Variants in SESN3 observed in about 807,000 individuals in gnomAD.
SESN3 encodes sestrin-3.
In SESN3, 21 loss-of-function variants were observed where a neutral mutation model predicts 55.3. The ratio of observed to expected loss-of-function variants is 0.38; its 90% CI spans 0.27 to 0.55. SESN3 has a LOEUF of 0.55. Among genes scored for constraint, SESN3 ranks in the 20% least tolerant of loss-of-function variants. The pLI, the probability that SESN3 is intolerant of heterozygous loss-of-function variation, is 0.76. For missense variants in SESN3, 408 were observed against 604.3 expected (o/e 0.68, Z 3.41); for synonymous variants, 181 against 203.1 (o/e 0.89, Z 0.93).
At chr11:95,186,836 G>T (rs1056106355) in intron 4 of SESN3, among the ~76,000 whole-genome samples, 3 of 151,584 alleles carry the variant, frequency 2.0e-5, no homozygotes, top group Non-Finnish European at 4.4e-5. Flanking sequence ...AATAATAAAA[G>T]AATATACACC....
intron 1 of SESN3, among the ~76,000 whole-genome samples, chr11:95,200,388 TTAAAA>T (rs1421754836): frequency 6.6e-5 from 10 of 152,040 alleles, no homozygotes; most frequent in Non-Finnish European, 1.5e-4. Flanking sequence ...CTATACCATA[TTAAAA>T]TATGTATTGA....
chr11:95,200,050 C>T (rs188960989), intron 1 of SESN3, among the ~76,000 whole-genome samples: 8 of 151,956 alleles, frequency 5.3e-5, no homozygotes, highest in Admixed American at 3.9e-4. Context: ...TTTTTAGGTA[C>T]GAATGTAAGA....
intron 1 of SESN3, among the ~76,000 whole-genome samples, chr11:95,221,310 G>A (rs1042849162): frequency 6.6e-6 from 1 of 151,748 alleles, no homozygotes; most frequent in Non-Finnish European, 1.5e-5. Flanking sequence ...AAAAAAAAAG[G>A]AAGTAAGAGT....
At chr11:95,204,189 T>C (rs530711849) in intron 1 of SESN3, among the ~76,000 whole-genome samples, 157 of 152,270 alleles carry the variant, frequency 1.0e-3, no homozygotes, top group African/African-American at 3.4e-3. Flanking sequence ...CTTCCCAATA[T>C]TAAATTTGGT....
Position 95,184,579 on chromosome 11 carries a change from T to G in SESN3, c.778A>C (p.Ser260Arg). 6.2e-7 allele frequency: 1 copy of G among 1,612,596 alleles called. No individual in the cohort carries two copies. The highest frequency in any genetic ancestry group is 8.5e-7 in the Non-Finnish European group (1 of 1,179,422). The change falls in exon 6 of 10, where the codon AGT becomes CGT. Residue 260 changes from serine (S) to arginine (R), a missense_variant. Coordinates refer to ENST00000536441, the MANE Select transcript of SESN3 (RefSeq NM_144665.4). ...GSNFGIVDSL[S>R]ELEALMERMK... is the part of the protein sequence containing the mutation. ...CTTTCCATTAAGGCCTCTAGCTCACTTAGAGAATCCACAATCTGGAAACAG... is the reference window on the plus strand; with the variant it reads ...CTTTCCATTAAGGCCTCTAGCTCACGTAGAGAATCCACAATCTGGAAACAG...
At chr11:95,195,480 G>A (rs565351367) in intron 1 of SESN3, among the ~76,000 whole-genome samples, 2 of 152,188 alleles carry the variant, frequency 1.3e-5, no homozygotes, top group African/African-American at 4.8e-5. Flanking sequence ...AATGTGCTAG[G>A]CAGTGAGGAC....
intron 1 of SESN3, among the ~76,000 whole-genome samples, chr11:95,198,956 T>C (rs1201663815): frequency 6.6e-6 from 1 of 152,138 alleles, no homozygotes; most frequent in Non-Finnish European, 1.5e-5. Context: ...AATAAAAGAT[T>C]GATTTGAATG....
At position 95,175,487 on chromosome 11, in the gene SESN3, G is replaced by T. The variant is rs770811646; in HGVS notation, c.1392+11C>A. On this transcript the variant is annotated intron_variant, in intron 9 of 9. Transcript: ENST00000536441. ...TGTCTATGGTATAATGCTTAATACT[G>T]AAACACGTACTTTTTCTGAGTGTTT... 12 of 1,611,232 alleles carry T rather than the reference G, an allele frequency of 7.4e-6. No individual in the cohort carries two copies. The South Asian group carries it at 1.3e-4, about 18-fold the overall frequency.
intron 3 of SESN3, 150 bp downstream of exon 3, chr11:95,191,254 T>C: frequency 3.1e-6 from 2 of 651,692 alleles, no homozygotes; most frequent in South Asian, 4.0e-5. Context: ...CCCAAGACAC[T>C]TGGTATCCAA....
chr11:95,190,019 C>A, intron 3 of SESN3, 58 bp from the exon 4 acceptor site: 1 of 1,310,740 alleles, frequency 7.6e-7, no homozygotes, highest in South Asian at 1.5e-5. Flanking sequence ...TTTCTTTCCA[C>A]TATTTCTAAA....
intron 1 of SESN3, among the ~76,000 whole-genome samples, chr11:95,222,812 A>G (rs564562912): frequency 1.3e-5 from 2 of 152,350 alleles, no homozygotes; most frequent in South Asian, 4.1e-4. Context: ...TGAAAGACAA[A>G]TAGGAATTCT....
intron 3 of SESN3, among the ~76,000 whole-genome samples, chr11:95,190,437 A>G (rs1442158643): frequency 6.6e-6 from 1 of 151,826 alleles, no homozygotes; most frequent in Non-Finnish European, 1.5e-5. Context: ...AAGCTCACTG[A>G]CCCTTTTCTT....
chr11:95,187,172 T>C (rs1271341933), intron 4 of SESN3, among the ~76,000 whole-genome samples: 1 of 151,986 alleles, frequency 6.6e-6, no homozygotes. Context: ...GTTTATTTGC[T>C]TCTATAAACA....
Position 95,166,128 on chromosome 11 carries a change from G to A in SESN3, c.*7127C>T, listed in dbSNP as rs542814859. On this transcript the variant is annotated 3_prime_UTR_variant, in exon 10 of 10. Transcript: ENST00000536441. The stretch of plus-strand genomic sequence containing the variant: ...CGCCATTTGACACTGAAACTTGCGT[G>A]AATCCTAAATTGCATCAATTATCTA... 6.6e-5 allele frequency: 10 copies of A among 152,116 alleles called. No individual in the cohort carries two copies. The highest frequency in any genetic ancestry group is 1.5e-4 in the Non-Finnish European group (10 of 68,012). 9.4% of individuals were successfully genotyped at this position (152,116 alleles called of 1,614,324 possible).
intron 1 of SESN3, among the ~76,000 whole-genome samples, chr11:95,224,181 G>A (rs1020949164): frequency 3.9e-5 from 6 of 152,146 alleles, no homozygotes; most frequent in Admixed American, 3.9e-4. Flanking sequence ...GAAGATAAGT[G>A]TGAATATTTT....
Position 95,172,629 on chromosome 11 carries a change from C to T in SESN3, c.*626G>A, listed in dbSNP as rs1269760157. On this transcript the variant is annotated 3_prime_UTR_variant, in exon 10 of 10. Coordinates refer to ENST00000536441, the MANE Select transcript of SESN3 (RefSeq NM_144665.4). Reference sequence around the variant, plus strand: ...ATTAAATTATGGGCAATAGCTGTATCACATTTCATGTTATCGCCAATAGCA... The same window carrying T: ...ATTAAATTATGGGCAATAGCTGTATTACATTTCATGTTATCGCCAATAGCA... The T allele has an allele frequency of 6.6e-6, 1 of 152,172 alleles. No individual in the cohort carries two copies. The highest frequency in any genetic ancestry group is 6.5e-5 in the Admixed American group (1 of 15,278). The allele number at this position is 152,172 out of a possible 1,614,324, so 9.4% of individuals were successfully genotyped here. A position where few individuals can be genotyped will look rare whatever the true frequency, so the allele number is the denominator to read the frequency against.
At chr11:95,211,893 G>C (rs1331391025) in intron 1 of SESN3, among the ~76,000 whole-genome samples, 7 of 152,092 alleles carry the variant, frequency 4.6e-5, no homozygotes, top group Non-Finnish European at 8.8e-5. Context: ...GAATAGGCTG[G>C]GTTTAGAAAA....
At chr11:95,194,831 ACT>A (rs1461973780) in intron 1 of SESN3, among the ~76,000 whole-genome samples, 2 of 151,868 alleles carry the variant, frequency 1.3e-5, no homozygotes, top group East Asian at 3.9e-4. Context: ...AATTTCGAAC[ACT>A]CTCTGTATAA....
intron 1 of SESN3, among the ~76,000 whole-genome samples, chr11:95,202,027 T>C (rs770853206): frequency 2.6e-5 from 4 of 152,084 alleles, no homozygotes; most frequent in Non-Finnish European, 4.4e-5. Flanking sequence ...CCAACTCCTT[T>C]GGTCTTCCTT....
Sources: gnomAD v4.1 joint callset for allele counts (sites outside exome capture counted in the v4.1 genomes callset) on GRCh38, gnomAD v4.1.1 for gene constraint, MANE v1.5 for transcripts, NCBI Gene and HGNC (gene_info 2026-07-23, HGNC 2026-07-21) for gene names.